The following PRDM11 variants were observed in gnomAD, a reference collection of about 807,000 sequenced individuals.
The protein encoded by PRDM11 is PR domain-containing protein 11.
In PRDM11, 20 loss-of-function variants were observed where a neutral mutation model predicts 97.8. The ratio of observed to expected loss-of-function variants is 0.20; its 90% CI spans 0.14 to 0.30. The LOEUF (loss-of-function observed/expected upper bound fraction) is 0.30, where lower values mean the gene tolerates loss of function less well. PRDM11 is among the 10% of genes least tolerant of loss of function. The pLI, the probability that PRDM11 is intolerant of heterozygous loss-of-function variation, is 1.00. For synonymous variants in PRDM11, 599 were observed against 637.7 expected, an observed-to-expected ratio of 0.94 and a Z score of 0.91; for missense variants, 1,139 against 1,555.2, an observed-to-expected ratio of 0.73 and a Z score of 4.50.
chr11:45,144,590 A>G (rs1851467720), upstream of PRDM11, among the ~76,000 whole-genome samples: 1 of 151,894 alleles, frequency 6.6e-6, no homozygotes, highest in Non-Finnish European at 1.5e-5. Flanking sequence ...TCCTTTATCT[A>G]CTTCTCTTTT....
Position 45,228,261 on chromosome 11 carries a change from T to A in PRDM11, c.*102T>A. On this transcript the variant is annotated 3_prime_UTR_variant, in exon 8 of 8. Coordinates refer to ENST00000683152, the MANE Select transcript of PRDM11 (RefSeq NM_001384648.1). ...AAATATATATTATATTATATTATAT[T>A]ATATTATATATATATATATATATAA... 5 of 221,058 alleles carry A rather than the reference T, an allele frequency of 2.3e-5. No homozygotes were observed. Among genetic ancestry groups the A allele is most frequent in the East Asian group, 1.1e-4 (1 of 9,194 alleles). 13.7% of individuals were successfully genotyped at this position (221,058 alleles called of 1,614,324 possible). A position where few individuals can be genotyped will look rare whatever the true frequency, so the allele number is the denominator to read the frequency against.
At chr11:45,123,578 C>A (rs1362632315) in intron 1 of PRDM11, among the ~76,000 whole-genome samples, 2 of 152,060 alleles carry the variant, frequency 1.3e-5, no homozygotes, top group East Asian at 3.8e-4. Flanking sequence ...GCCAGTTTTC[C>A]CAGCATCATT....
intron 1 of PRDM11, among the ~76,000 whole-genome samples, chr11:45,135,697 G>A (rs1005954772): frequency 6.6e-6 from 1 of 152,132 alleles, no homozygotes; most frequent in Admixed American, 6.5e-5. Flanking sequence ...AATGCACCAG[G>A]TCCCTGAAGG....
chr11:45,224,598 C>G lies in PRDM11; in HGVS notation c.1124C>G (p.Pro375Arg), dbSNP rs952563686. Reference sequence around the variant, plus strand: ...GTCCCCCAGGGGGTCTCCAAGGAGCCAGGCCAATTGGAGGATGAAGAAGAG... The same window carrying G: ...GTCCCCCAGGGGGTCTCCAAGGAGCGAGGCCAATTGGAGGATGAAGAAGAG... ...WKVPQGVSKE[P>R]GQLEDEEEEP... is the part of the protein sequence containing the mutation. Residue 375 changes from proline (P) to arginine (R), a missense_variant, in exon 7 of 8, where the codon CCA becomes CGA. This residue lies in a region of PRDM11 where 429 missense variants were observed against 510.3 expected (regional missense o/e 0.84). Transcript: ENST00000683152. 3 of 1,614,138 alleles carry G rather than the reference C, an allele frequency of 1.9e-6. No homozygotes were observed. The highest frequency in any genetic ancestry group is 2.5e-6 in the Non-Finnish European group (3 of 1,180,018).
chr11:45,200,983 C>T (rs2135787413), intron 4 of PRDM11, among the ~76,000 whole-genome samples: 1 of 152,264 alleles, frequency 6.6e-6, no homozygotes, highest in Middle Eastern at 3.4e-3. Context: ...TAGATGTTTA[C>T]AACTGATGGT....
At chr11:45,105,956 T>C (rs778126506) in intron 1 of PRDM11, among the ~76,000 whole-genome samples, 4 of 152,222 alleles carry the variant, frequency 2.6e-5, no homozygotes, top group Admixed American at 6.5e-5. Flanking sequence ...TGATTTCCTT[T>C]AGGCAACAAA....
At chr11:45,163,729 T>C (rs1176292697) in intron 1 of PRDM11, among the ~76,000 whole-genome samples, 5 of 152,214 alleles carry the variant, frequency 3.3e-5, no homozygotes, top group African/African-American at 1.2e-4. Flanking sequence ...CTATGGAGCT[T>C]GCTGATACCT....
chr11:45,099,709 A>C (rs549604121), intron 1 of PRDM11, among the ~76,000 whole-genome samples: 1 of 152,332 alleles, frequency 6.6e-6, no homozygotes, highest in Non-Finnish European at 1.5e-5. Context: ...TCTTTGTGTT[A>C]TAAACAATCC....
intron 1 of PRDM11, 148 bp from the exon 2 acceptor site, chr11:45,181,613 T>G: frequency 1.5e-6 from 1 of 647,652 alleles, no homozygotes; most frequent in Non-Finnish European, 2.7e-6. Context: ...GCTGTTTTTG[T>G]TGTCTGTGTT....
intron 1 of PRDM11, among the ~76,000 whole-genome samples, chr11:45,100,765 T>C (rs1037598011): frequency 6.6e-6 from 1 of 152,224 alleles, no homozygotes; most frequent in Non-Finnish European, 1.5e-5. Context: ...AAGCCGCCTT[T>C]TATTGAACAC....
chr11:45,188,053 A>G (rs1478254346), intron 4 of PRDM11, among the ~76,000 whole-genome samples: 2 of 152,044 alleles, frequency 1.3e-5, no homozygotes, highest in South Asian at 2.1e-4. Flanking sequence ...ACTGGATATC[A>G]TCTTCTTTGG....
At chr11:45,201,590 C>G (rs1256942710) in intron 4 of PRDM11, among the ~76,000 whole-genome samples, 3 of 152,090 alleles carry the variant, frequency 2.0e-5, no homozygotes, top group Non-Finnish European at 4.4e-5. Flanking sequence ...AACTCTTGGG[C>G]TTAAGCAATC....
At chr11:45,220,064 C>T (rs1042866846) in intron 6 of PRDM11, among the ~76,000 whole-genome samples, 16 of 152,136 alleles carry the variant, frequency 1.1e-4, no homozygotes, top group African/African-American at 3.9e-4. Flanking sequence ...TTCCCCAACT[C>T]CAGTTGATGA....
At chr11:45,206,958 T>C (rs1853534101) in intron 5 of PRDM11, among the ~76,000 whole-genome samples, 1 of 152,234 alleles carries the variant, frequency 6.6e-6, no homozygotes, top group African/African-American at 2.4e-5. Context: ...GGATGGGCAC[T>C]GGTGAGCAGG....
intron 1 of PRDM11, among the ~76,000 whole-genome samples, chr11:45,153,885 C>T (rs1851723277): frequency 6.6e-6 from 1 of 152,166 alleles, no homozygotes; most frequent in African/African-American, 2.4e-5. Flanking sequence ...ACTCCCGCAT[C>T]CACATATGGA....
intron 4 of PRDM11, among the ~76,000 whole-genome samples, chr11:45,195,015 A>G (rs1227022312): frequency 6.6e-6 from 1 of 151,374 alleles, no homozygotes; most frequent in Non-Finnish European, 1.5e-5. Context: ...CCAGTTCATC[A>G]TCTCCAGGCC....
chr11:45,215,480 T>G (rs1337726715), intron 5 of PRDM11, among the ~76,000 whole-genome samples: 1 of 152,014 alleles, frequency 6.6e-6, no homozygotes, highest in Non-Finnish European at 1.5e-5. Flanking sequence ...TCTCCCAAGG[T>G]CAATGTATGA....
upstream of PRDM11, among the ~76,000 whole-genome samples, chr11:45,146,512 G>T (rs1391948434): frequency 6.6e-6 from 1 of 151,990 alleles, no homozygotes; most frequent in African/African-American, 2.4e-5. Context: ...CGGGCAGGGC[G>T]CGGGCCTAAG....
In PRDM11 at chr11:45,182,380, C is replaced by T. The variant is rs748161627; in HGVS notation, c.223+31C>T. The T allele has an allele frequency of 8.4e-5, 132 of 1,580,264 alleles. 1 individual carries two copies. The highest frequency in any genetic ancestry group is 3.8e-4 in the South Asian group (34 of 89,818). On this transcript the variant is annotated intron_variant, in intron 3 of 7. Transcript: ENST00000683152. ...TGGAGCTTGGGGCTCTGGGCTGCTC[C>T]TCCCTTCACCCCCATCGCCCCATTC...
Sources: allele counts gnomAD v4.1 joint callset (sites outside exome capture counted in the v4.1 genomes callset), GRCh38; gene constraint gnomAD v4.1.1; regional missense constraint gnomAD v4.1.1; transcripts MANE v1.5; gene names NCBI Gene and HGNC (gene_info 2026-07-23, HGNC 2026-07-21).